The following ITPR2 variants were observed in gnomAD, a reference collection of about 807,000 sequenced individuals.
The protein encoded by ITPR2 is inositol 1,4,5-trisphosphate receptor type 2.
Under a neutral mutation model 317.1 loss-of-function variants are expected in ITPR2, and 207 were observed. The ratio of observed to expected loss-of-function variants is 0.65; its 90% CI spans 0.58 to 0.73. ITPR2 has a LOEUF of 0.73. ITPR2 is among the 30% of genes least tolerant of loss of function. The pLI is 0.00. For synonymous variants in ITPR2, 1,156 were observed against 1,149.1 expected (o/e 1.01, Z -0.12); for missense variants, 2,613 against 3,284.0 (o/e 0.80, Z 4.99).
At chr12:26,565,900 A>G (rs1591907167) in intron 34 of ITPR2, among the ~76,000 whole-genome samples, 1 of 11,226 alleles carries the variant, frequency 8.9e-5, no homozygotes, top group African/African-American at 3.2e-4. Flanking sequence ...AGGAGAGGAG[A>G]GGGGAGGGGA....
chr12:26,750,431 G>A (rs1194984185), intron 2 of ITPR2, among the ~76,000 whole-genome samples: 5 of 152,166 alleles, frequency 3.3e-5, no homozygotes, highest in Non-Finnish European at 5.9e-5. Context: ...GATAGCCAGA[G>A]AGCCATCTCT....
intron 1 of ITPR2, among the ~76,000 whole-genome samples, chr12:26,813,326 T>C (rs1950788930): frequency 6.6e-6 from 1 of 152,192 alleles, no homozygotes. Context: ...TAATTATTAA[T>C]TCATGCTTGT....
intron 1 of ITPR2, among the ~76,000 whole-genome samples, chr12:26,818,035 T>A (rs188312515): frequency 2.6e-4 from 40 of 152,328 alleles, no homozygotes; most frequent in African/African-American, 9.1e-4. Flanking sequence ...TTTGGAGAAA[T>A]CACTAGTAGT....
At chr12:26,399,170 C>A in intron 53 of ITPR2, 129 bp from the exon 54 acceptor site, 5 of 656,664 alleles carry the variant, frequency 7.6e-6, no homozygotes, top group Non-Finnish European at 1.1e-5. Context: ...AAAAATAAGG[C>A]TCACTTTCCA....
chr12:26,793,384 A>C (rs1002478325), intron 1 of ITPR2, among the ~76,000 whole-genome samples: 2 of 152,162 alleles, frequency 1.3e-5, no homozygotes, highest in Non-Finnish European at 1.5e-5. Context: ...ACCAAAAAAA[A>C]ACCTTCCTTT....
At chr12:26,360,862 C>T (rs1006437377) in intron 55 of ITPR2, among the ~76,000 whole-genome samples, 2 of 151,986 alleles carry the variant, frequency 1.3e-5, no homozygotes, top group Non-Finnish European at 2.9e-5. Flanking sequence ...TTGTAATCAC[C>T]ACCTCTAAGT....
intron 45 of ITPR2, among the ~76,000 whole-genome samples, chr12:26,466,709 A>G (rs968811266): frequency 3.9e-5 from 6 of 152,234 alleles, no homozygotes; most frequent in Admixed American, 6.5e-5. Flanking sequence ...ATTTTTATAG[A>G]TGAGAAGGTT....
intron 50 of ITPR2, among the ~76,000 whole-genome samples, chr12:26,418,387 A>G (rs964976092): frequency 6.6e-6 from 1 of 152,194 alleles, no homozygotes; most frequent in Non-Finnish European, 1.5e-5. Flanking sequence ...ACATTATCAC[A>G]TATTTATATT....
intron 35 of ITPR2, 114 bp downstream of exon 35, chr12:26,561,648 G>C: frequency 1.2e-6 from 1 of 826,088 alleles, no homozygotes; most frequent in Non-Finnish European, 1.8e-6. Flanking sequence ...TGTAAAGCAA[G>C]GCCTGGTCCC....
chr12:26,763,630 A>T (rs565426678), intron 2 of ITPR2, among the ~76,000 whole-genome samples: 1 of 152,118 alleles, frequency 6.6e-6, no homozygotes, highest in South Asian at 2.1e-4. Flanking sequence ...TTCTTTTAGA[A>T]GTTCTATTAG....
chr12:26,567,997 T>TATATATTATATATATA (rs1284996609), intron 34 of ITPR2, among the ~76,000 whole-genome samples: 2 of 4,810 alleles, frequency 4.2e-4, no homozygotes, highest in East Asian at 1.8e-3. Context: ...TATATATATA[T>TATATATTATATATATA]TATATATATT....
At chr12:26,687,578 C>T (rs1169331266) in intron 10 of ITPR2, among the ~76,000 whole-genome samples, 7 of 152,072 alleles carry the variant, frequency 4.6e-5, no homozygotes, top group Non-Finnish European at 1.0e-4. Context: ...AAGATATTAC[C>T]CCTGATCATC....
At chr12:26,667,262 T>C (rs1296276113) in intron 13 of ITPR2, among the ~76,000 whole-genome samples, 1 of 152,218 alleles carries the variant, frequency 6.6e-6, no homozygotes, top group African/African-American at 2.4e-5. Flanking sequence ...ATCCTGATCC[T>C]ATCTCCCGAT....
intron 52 of ITPR2, among the ~76,000 whole-genome samples, chr12:26,409,886 G>A (rs1458931344): frequency 6.6e-6 from 1 of 152,080 alleles, no homozygotes; most frequent in Non-Finnish European, 1.5e-5. Context: ...TTATGGGCTG[G>A]CAGAAATATG....
chr12:26,468,572 A>AAG, intron 45 of ITPR2, among the ~76,000 whole-genome samples: 1 of 151,650 alleles, frequency 6.6e-6, no homozygotes, highest in African/African-American at 2.4e-5. Flanking sequence ...GAAACAGAAA[A>AAG]AAAAAAAAAA....
chr12:26,337,674 A>C lies in ITPR2; in HGVS notation c.*1723T>G, dbSNP rs1465388892. ...TTCTGTGCTGCATGCAGACATATCA[A>C]AATTTCTTATATCTTTGGATCATGA... is the stretch of plus-strand genomic sequence containing the variant. On this transcript the variant is annotated 3_prime_UTR_variant, in exon 57 of 57. Coordinates refer to ENST00000381340, the MANE Select transcript of ITPR2 (RefSeq NM_002223.4). 6.6e-6 allele frequency: 1 copy of C among 152,226 alleles called. No individual in the cohort carries two copies. Among genetic ancestry groups the C allele is most frequent in the Non-Finnish European group, 1.5e-5 (1 of 68,040 alleles). 9.4% of individuals were successfully genotyped at this position (152,226 alleles called of 1,614,324 possible). A position where few individuals can be genotyped will look rare whatever the true frequency, so the allele number is the denominator to read the frequency against.
intron 5 of ITPR2, among the ~76,000 whole-genome samples, chr12:26,721,565 GA>G (rs1948840504): frequency 1.3e-5 from 2 of 152,026 alleles, no homozygotes; most frequent in Admixed American, 1.3e-4. Flanking sequence ...AGGTATTTAT[GA>G]AACTTATTCA....
intron 13 of ITPR2, among the ~76,000 whole-genome samples, chr12:26,680,970 A>G (rs950129307): frequency 1.3e-5 from 2 of 152,208 alleles, no homozygotes; most frequent in Non-Finnish European, 2.9e-5. Flanking sequence ...TCCAAGGTGC[A>G]TACATCAATT....
intron 21 of ITPR2, among the ~76,000 whole-genome samples, chr12:26,650,837 T>C (rs575583948): frequency 6.6e-6 from 1 of 152,208 alleles, no homozygotes; most frequent in East Asian, 1.9e-4. Flanking sequence ...GGAATTAATA[T>C]AGACCCCTGC....
Sources: gnomAD v4.1 joint callset for allele counts (sites outside exome capture counted in the v4.1 genomes callset) on GRCh38, gnomAD v4.1.1 for gene constraint, MANE v1.5 for transcripts, NCBI Gene and HGNC (gene_info 2026-07-23, HGNC 2026-07-21) for gene names.